The following ERMP1 variants were observed in gnomAD, a reference collection of about 807,000 sequenced individuals.
ERMP1 encodes endoplasmic reticulum metallopeptidase 1, also known as Felix-ina.
In ERMP1, 86 loss-of-function variants were observed where a neutral mutation model predicts 92.0. The ratio of observed to expected loss-of-function variants is 0.93; its 90% confidence interval spans 0.79 to 1.12. The LOEUF (loss-of-function observed/expected upper bound fraction) is 1.12. Among genes scored for constraint, ERMP1 ranks in the 50% most tolerant of loss-of-function variants. ERMP1 has a pLI of 0.00. For missense variants in ERMP1, 1,342 were observed against 1,116.3 expected, an observed-to-expected ratio of 1.20 and a Z score of -2.88; for synonymous variants, 530 against 412.8, an observed-to-expected ratio of 1.28 and a Z score of -3.44.
chr9:5,818,524 T>C (rs924980368), intron 4 of ERMP1, among the ~76,000 whole-genome samples: 1 of 152,196 alleles, frequency 6.6e-6, no homozygotes, highest in South Asian at 2.1e-4. Flanking sequence ...GAGACCAGCC[T>C]GGGCAACACA....
At chr9:5,821,261 A>G (rs184233477) in intron 4 of ERMP1, among the ~76,000 whole-genome samples, 16 of 152,362 alleles carry the variant, frequency 1.1e-4, no homozygotes, top group Admixed American at 5.2e-4. Flanking sequence ...TTCTGGTCTT[A>G]AATTCATGAA....
At chr9:5,861,170 G>GTGTGTGTGTGTGTGTGTGTGT (rs1554630171) in intron 5 of ERMP1, among the ~76,000 whole-genome samples, 1 of 102,140 alleles carries the variant, frequency 9.8e-6, no homozygotes, top group Non-Finnish European at 2.0e-5. Context: ...TGGCTTAGGG[G>GTGTGTGTGTGTGTGTGTGTGT]GTGTGTGTGT....
At chr9:5,862,311 C>T (rs1216793816) in intron 5 of ERMP1, among the ~76,000 whole-genome samples, 3 of 151,990 alleles carry the variant, frequency 2.0e-5, no homozygotes, top group Non-Finnish European at 4.4e-5. Flanking sequence ...GGATTACAGA[C>T]ATGAGCCACC....
chr9:5,860,148 A>AG (rs1554629982), intron 5 of ERMP1, among the ~76,000 whole-genome samples: 3 of 150,098 alleles, frequency 2.0e-5, no homozygotes, highest in African/African-American at 4.9e-5. Context: ...AAAAAAAAAA[A>AG]GTTTTAATTA....
intron 8 of ERMP1, among the ~76,000 whole-genome samples, chr9:5,809,215 T>C (rs949206968): frequency 2.6e-5 from 4 of 151,474 alleles, no homozygotes; most frequent in Non-Finnish European, 4.4e-5. Flanking sequence ...AGAGACGGGG[T>C]TTCACCGTGT....
upstream of ERMP1, among the ~76,000 whole-genome samples, chr9:5,834,319 CTAATT>C (rs775999273): frequency 2.6e-5 from 4 of 152,140 alleles, no homozygotes; most frequent in Non-Finnish European, 5.9e-5. Flanking sequence ...CAAGAATCTC[CTAATT>C]TAATTAAGCT....
intron 13 of ERMP1, among the ~76,000 whole-genome samples, chr9:5,793,750 A>G (rs1390016457): frequency 6.6e-6 from 1 of 152,160 alleles, no homozygotes; most frequent in African/African-American, 2.4e-5. Context: ...AAGACATAAC[A>G]ATCTTTAATT....
At chr9:5,843,865 A>G (rs10758709) in intron 6 of ERMP1, among the ~76,000 whole-genome samples, 145,465 of 152,228 alleles carry the variant, frequency 0.96, 69,772 homozygotes, top group East Asian at 1. Context: ...TTTTAGACCA[A>G]GCCTGGGGAT....
chr9:5,801,120 CA>C lies in ERMP1; in HGVS notation c.2067+55del. ...GCGCTTGCTATTCACTACTGAAGCT[CA>C]AAACACACAGGGCTTCCTTTCCAGA... On this transcript the variant is annotated intron_variant, in intron 11 of 14. Coordinates refer to ENST00000339450, the MANE Select transcript of ERMP1 (RefSeq NM_024896.3). 4 of 1,554,086 alleles carry C rather than the reference CA, an allele frequency of 2.6e-6. No homozygotes were observed. The South Asian group carries it at 3.8e-5, about 15-fold the overall frequency.
At chr9:5,832,193 G>T (rs773963994) in intron 1 of ERMP1, among the ~76,000 whole-genome samples, 2 of 152,132 alleles carry the variant, frequency 1.3e-5, no homozygotes, top group Non-Finnish European at 2.9e-5. Flanking sequence ...ATTTTGACTG[G>T]GCGGTGTTCC....
intron 1 of ERMP1, 63 bp downstream of exon 1, chr9:5,832,627 C>G (rs565324652): frequency 2.3e-6 from 3 of 1,281,550 alleles, no homozygotes; most frequent in African/African-American, 3.1e-5. Context: ...GTGCGGTGCC[C>G]CGGAGCCTGC....
At chr9:5,793,590 A>C (rs1314996546) in intron 13 of ERMP1, among the ~76,000 whole-genome samples, 1 of 152,094 alleles carries the variant, frequency 6.6e-6, no homozygotes, top group Non-Finnish European at 1.5e-5. Flanking sequence ...ATTAAGAGTC[A>C]GTGGATGGAG....
chr9:5,807,511 C>T lies in ERMP1; in HGVS notation c.1549-1726G>A, dbSNP rs186220440. Among the ~76,000 whole-genome samples the T allele has an allele frequency of 8.2e-4, 125 of 152,168 alleles. 1 individual carries two copies. Among genetic ancestry groups the T allele is most frequent in the Non-Finnish European group, 1.5e-3 (103 of 67,992 alleles). Reference sequence around the variant, plus strand: ...CTATAATCCCAACACTTTGGGAGGCCGAGGTGGGAGGATCACTTGAGGTCA... The same window carrying T: ...CTATAATCCCAACACTTTGGGAGGCTGAGGTGGGAGGATCACTTGAGGTCA... On this transcript the variant is annotated intron_variant, in intron 8 of 14. Coordinates refer to ENST00000339450, the MANE Select transcript of ERMP1 (RefSeq NM_024896.3).
intron 12 of ERMP1, among the ~76,000 whole-genome samples, chr9:5,798,250 G>T (rs78614608): frequency 0.011 from 1,611 of 151,750 alleles, 39 homozygotes; most frequent in African/African-American, 0.037. Flanking sequence ...GAGTTTTGCT[G>T]TTGTTGCCCA....
intron 8 of ERMP1, among the ~76,000 whole-genome samples, chr9:5,806,673 C>G (rs1454205954): frequency 2.0e-5 from 3 of 152,112 alleles, no homozygotes; most frequent in African/African-American, 7.2e-5. Flanking sequence ...CACCTGGCCT[C>G]AAGCAGTCTT....
At chr9:5,796,864 TG>T (rs1177456421) in intron 13 of ERMP1, among the ~76,000 whole-genome samples, 2 of 152,008 alleles carry the variant, frequency 1.3e-5, no homozygotes, top group Non-Finnish European at 2.9e-5. Flanking sequence ...TGAACCCGAG[TG>T]GGAACAACAG....
intron 12 of ERMP1, 70 bp from the exon 13 acceptor site, chr9:5,798,002 G>T (rs1415542667): frequency 2.1e-6 from 2 of 945,442 alleles, no homozygotes; most frequent in African/African-American, 3.3e-5. Flanking sequence ...TCACAGAACT[G>T]TTCAGCATAT....
At chr9:5,836,110 T>C (rs1489950515), upstream of ERMP1, among the ~76,000 whole-genome samples, 1 of 152,212 alleles carries the variant, frequency 6.6e-6, no homozygotes, top group Non-Finnish European at 1.5e-5. Flanking sequence ...CATAGAGATG[T>C]CCCATGTCCC....
At chr9:5,795,893 A>AT (rs1828406265) in intron 13 of ERMP1, among the ~76,000 whole-genome samples, 5 of 152,346 alleles carry the variant, frequency 3.3e-5, no homozygotes, top group Middle Eastern at 3.4e-3. Context: ...AGGCTGCAGG[A>AT]TATGAGGGTA....
Sources: allele counts gnomAD v4.1 joint callset (sites outside exome capture counted in the v4.1 genomes callset), GRCh38; gene constraint gnomAD v4.1.1; transcripts MANE v1.5; gene names NCBI Gene and HGNC (gene_info 2026-07-23, HGNC 2026-07-21).